FIGN: variants seen among roughly 807,000 people sequenced by gnomAD.
The protein encoded by FIGN is fidgetin.
Under a neutral mutation model 51.3 loss-of-function variants are expected in FIGN, and 11 were observed. That is an observed-to-expected ratio of 0.21 (90% CI 0.13 to 0.35). The LOEUF is 0.35. Among genes scored for constraint, FIGN ranks in the 10% least tolerant of loss-of-function variants. The probability of loss-of-function intolerance (pLI) is 1.00; values close to 1 mark genes in which losing one functional copy is unlikely to be tolerated. For missense variants in FIGN, 857 were observed against 943.6 expected, an observed-to-expected ratio of 0.91 and a Z score of 1.20; for synonymous variants, 407 against 363.2, an observed-to-expected ratio of 1.12 and a Z score of -1.37.
At chr2:163,702,305 T>G (rs900285360) in intron 2 of FIGN, among the ~76,000 whole-genome samples, 2 of 152,168 alleles carry the variant, frequency 1.3e-5, no homozygotes, top group African/African-American at 4.8e-5. Flanking sequence ...GATCTGCAGC[T>G]GATAAGATAT....
At chr2:163,727,322 T>C (rs1318848201) in intron 2 of FIGN, among the ~76,000 whole-genome samples, 2 of 151,734 alleles carry the variant, frequency 1.3e-5, no homozygotes, top group Non-Finnish European at 2.9e-5. Context: ...CACAGAACAT[T>C]AGAAAATGTG....
chr2:163,661,836 C>T (rs1013702837), intron 2 of FIGN, among the ~76,000 whole-genome samples: 2 of 152,144 alleles, frequency 1.3e-5, no homozygotes, highest in African/African-American at 2.4e-5. Context: ...GTGCCTTTCG[C>T]CTCCTGCCAT....
rs770886664 is a variant in FIGN at position 163,611,200 on chromosome 2, G to A, written c.632C>T (p.Pro211Leu). ...TAGCCCAGAGCTATGCAAAGGAGACGGATGAGGTGAAGGAAGTGCAGGTGC... is the reference window on the plus strand; with the variant it reads ...TAGCCCAGAGCTATGCAAAGGAGACAGATGAGGTGAAGGAAGTGCAGGTGC... ...QPAPALPSPH[P>L]SPLHSSGLLQ... Residue 211 changes from proline to leucine, a missense_variant, in exon 3 of 3, where the codon CCG becomes CTG. Physicochemically the swap from Pro to Leu is moderately conservative, Grantham distance 98. Transcript: ENST00000333129. 1.2e-5 allele frequency: 20 copies of A among 1,614,098 alleles called. No homozygotes were observed. The East Asian group carries it at 1.3e-4, about 11-fold the overall frequency.
chr2:163,611,465 A>C lies in FIGN; in HGVS notation c.367T>G (p.Cys123Gly). The C allele has an allele frequency of 6.2e-7, 1 of 1,614,192 alleles. No individual in the cohort carries two copies. The highest frequency in any genetic ancestry group is 1.3e-5 in the African/African-American group (1 of 75,060). ...CTGGCAGTGATAACATCCGGAACAC[A>C]GTTCATGGGATAAACAGCTTCTGAA... ...LNSEAVYPMN[C>G]VPDVITASKA... Residue 123 changes from cysteine to glycine, a missense_variant, in exon 3 of 3, where the codon TGT becomes GGT. Coordinates refer to ENST00000333129, the MANE Select transcript of FIGN (RefSeq NM_018086.4).
chr2:163,679,649 T>C (rs1460946026), intron 2 of FIGN, among the ~76,000 whole-genome samples: 4 of 152,250 alleles, frequency 2.6e-5, no homozygotes, highest in Non-Finnish European at 5.9e-5. Context: ...TTCCTTGTTA[T>C]TGAGTGTTTA....
At chr2:163,730,848 T>A (rs185980644) in intron 2 of FIGN, among the ~76,000 whole-genome samples, 1 of 152,268 alleles carries the variant, frequency 6.6e-6, no homozygotes, top group African/African-American at 2.4e-5. Context: ...ATAAATCAAT[T>A]TAAATTCCTG....
rs899454210 is a variant in FIGN, at chr2:163,607,720, T to C, written c.*1832A>G. ...TGCAACAGTTTTGTTACTGCATCTC[T>C]AAACTAAAAAAAGAAAAGGGGAAAA... is the stretch of plus-strand genomic sequence containing the variant. On this transcript the variant is annotated 3_prime_UTR_variant, in exon 3 of 3. Transcript: ENST00000333129. 1.3e-5 allele frequency: 2 copies of C among 152,550 alleles called. No homozygotes were observed. The highest frequency in any genetic ancestry group is 4.8e-5 in the African/African-American group (2 of 41,416). 9.4% of individuals were successfully genotyped at this position (152,550 alleles called of 1,614,324 possible).
Position 163,610,975 on chromosome 2 carries a change from G to A in FIGN, c.857C>T (p.Pro286Leu). The A allele has an allele frequency of 6.2e-7, 1 of 1,613,914 alleles. No homozygotes were observed. Residue 286 changes from proline to leucine, a missense_variant, in exon 3 of 3, where the codon CCC becomes CTC. Pro to Leu is a moderately conservative substitution (Grantham distance 98, BLOSUM62 -3). Around this residue, in one of 3 missense-constraint regions of FIGN, gnomAD observed 799 missense variants for 849.5 expected, o/e 0.94. Transcript: ENST00000333129. The part of the protein sequence containing the change: ...PSGIPAPTPL[P>L]PTTVPGYTYQ... ...GGTGTAGCCAGGAACAGTGGTGGGGGGTAGGGGGGTGGGAGCAGGAATTCC... is the reference window on the plus strand; with the variant it reads ...GGTGTAGCCAGGAACAGTGGTGGGGAGTAGGGGGGTGGGAGCAGGAATTCC...
intron 2 of FIGN, among the ~76,000 whole-genome samples, chr2:163,636,567 G>T (rs571953999): frequency 9.2e-5 from 14 of 152,318 alleles, no homozygotes; most frequent in African/African-American, 3.4e-4. Context: ...TTACAGGCGT[G>T]AGCCACTGCT....
At chr2:163,716,511 A>C (rs1021844161) in intron 2 of FIGN, among the ~76,000 whole-genome samples, 4 of 152,222 alleles carry the variant, frequency 2.6e-5, no homozygotes, top group Non-Finnish European at 5.9e-5. Flanking sequence ...TTAGGAAAAA[A>C]AGAAAAGAAA....
rs1691028513 is a variant in FIGN, at chr2:163,603,840, G to A, written c.*5712C>T. On this transcript the variant is annotated 3_prime_UTR_variant, in exon 3 of 3. Coordinates refer to ENST00000333129, the MANE Select transcript of FIGN (RefSeq NM_018086.4). Reference sequence around the variant, plus strand: ...TGTTCTTTTGCTACTGTAATATAGAGCTGGTGAAGAAAAAGAACGAATGCT... The same window carrying A: ...TGTTCTTTTGCTACTGTAATATAGAACTGGTGAAGAAAAAGAACGAATGCT... 1 of 152,068 alleles carries A rather than the reference G, an allele frequency of 6.6e-6. No individual in the cohort carries two copies. The highest frequency in any genetic ancestry group is 2.4e-5 in the African/African-American group (1 of 41,426). The allele number at this position is 152,068 out of a possible 1,614,324, so 9.4% of individuals were successfully genotyped here.
intron 2 of FIGN, among the ~76,000 whole-genome samples, chr2:163,679,486 A>G (rs960912541): frequency 7.4e-6 from 1 of 135,808 alleles, no homozygotes; most frequent in African/African-American, 3.1e-5. Flanking sequence ...ACACTGCGAG[A>G]CTCCGTCTCA....
At chr2:163,686,041 C>T (rs2105342111) in intron 2 of FIGN, among the ~76,000 whole-genome samples, 1 of 152,284 alleles carries the variant, frequency 6.6e-6, no homozygotes, top group South Asian at 2.1e-4. Context: ...CGCAGTAAGC[C>T]TTATAACAGT....
chr2:163,727,119 T>A (rs1684849701), intron 2 of FIGN, among the ~76,000 whole-genome samples: 1 of 152,028 alleles, frequency 6.6e-6, no homozygotes, highest in African/African-American at 2.4e-5. Flanking sequence ...GGAAAAGAAA[T>A]GAACAGATGA....
chr2:163,734,873 C>A, intron 2 of FIGN, 30 bp downstream of exon 2: 1 of 1,593,904 alleles, frequency 6.3e-7, no homozygotes. Context: ...TATTTAGATG[C>A]AAAGGAAGTA....
intron 2 of FIGN, among the ~76,000 whole-genome samples, chr2:163,679,685 T>C (rs1216412425): frequency 6.6e-6 from 1 of 152,186 alleles, no homozygotes. Context: ...GGTTTAAAGG[T>C]TCAATTTTCC....
At chr2:163,634,230 C>A (rs141456911) in intron 2 of FIGN, among the ~76,000 whole-genome samples, 5 of 151,950 alleles carry the variant, frequency 3.3e-5, no homozygotes, top group Admixed American at 1.3e-4. Context: ...ATAAAGTGAC[C>A]ATTATCTATT....
At chr2:163,618,936 A>G (rs547152938) in intron 2 of FIGN, among the ~76,000 whole-genome samples, 2 of 152,012 alleles carry the variant, frequency 1.3e-5, no homozygotes, top group Non-Finnish European at 2.9e-5. Flanking sequence ...TTTTTTTATG[A>G]TAAGAGAACC....
chr2:163,633,734 A>T (rs1056961161), intron 2 of FIGN, among the ~76,000 whole-genome samples: 1 of 152,192 alleles, frequency 6.6e-6, no homozygotes, highest in East Asian at 1.9e-4. Flanking sequence ...TAGAGACCTC[A>T]TGTATGGCTG....
Sources: allele counts gnomAD v4.1 joint callset (sites outside exome capture counted in the v4.1 genomes callset), GRCh38; gene constraint gnomAD v4.1.1; regional missense constraint gnomAD v4.1.1; transcripts MANE v1.5; gene names NCBI Gene and HGNC (gene_info 2026-07-23, HGNC 2026-07-21).